KLF11: variants seen among roughly 807,000 people sequenced by gnomAD.
KLF11 encodes Krueppel-like factor 11.
A neutral mutation model predicts 29.9 loss-of-function variants in KLF11; 26 were observed. The ratio of observed to expected loss-of-function variants is 0.87; its 90% CI spans 0.64 to 1.21. The LOEUF is 1.21. Among genes scored for constraint, KLF11 ranks in the 50% most tolerant of loss-of-function variants. The pLI is 0.00. For synonymous variants in KLF11, 318 were observed against 257.4 expected (o/e 1.24, Z -2.25); for missense variants, 778 against 665.7 (o/e 1.17, Z -1.86).
intron 2 of KLF11, 30 bp from the exon 3 acceptor site, chr2:10,047,619 CA>C (rs1325857171): frequency 6.4e-7 from 1 of 1,571,050 alleles, no homozygotes; most frequent in Non-Finnish European, 8.7e-7. Flanking sequence ...AAATTTAAAG[CA>C]ACCTTTTAAC....
chr2:10,043,666 G>A lies in KLF11; in HGVS notation c.-51G>A. The stretch of plus-strand genomic sequence containing the variant: ...GCAGCCCACGTGCGGCCGCTGCTGC[G>A]CCCGAGCTCACGCCCCGCGGCCGCT... On this transcript the variant is annotated 5_prime_UTR_variant, in exon 1 of 4. Transcript: ENST00000305883. 1 of 1,242,346 alleles carries A rather than the reference G, an allele frequency of 8.0e-7. No homozygotes were observed. The highest frequency in any genetic ancestry group is 1.0e-6 in the Non-Finnish European group (1 of 970,676). The allele number at this position is 1,242,346 out of a possible 1,614,324, so 77.0% of individuals were successfully genotyped here.
At chr2:10,044,043 C>A in intron 1 of KLF11, 1 of 699,048 alleles carries the variant, frequency 1.4e-6, no homozygotes, top group Non-Finnish European at 1.8e-6. Context: ...TATTTCCAGC[C>A]ATGACGTCAC....
intron 1 of KLF11, 44 bp downstream of exon 1, chr2:10,043,802 G>A (rs763286223): frequency 2.2e-6 from 3 of 1,338,286 alleles, no homozygotes; most frequent in Non-Finnish European, 9.8e-7. Flanking sequence ...GTCTGAGCGA[G>A]GGGCGAGGCG....
rs757905542 is a variant in KLF11, at chr2:10,046,366, A to G, written c.259A>G (p.Met87Val). ...DSGDVTTTVH[M>V]DAATPELPKD... The stretch of plus-strand genomic sequence containing the variant: ...TGGGGATGTCACCACCACTGTGCAT[A>G]TGGATGCAGCCACACCTGAACTACC... The change falls in exon 2 of 4, where the codon ATG (methionine) becomes GTG (valine). Residue 87 changes from methionine (M) to valine (V), a missense_variant. Coordinates refer to ENST00000305883, the MANE Select transcript of KLF11 (RefSeq NM_003597.5). 38 of 1,614,044 alleles carry G rather than the reference A, an allele frequency of 2.4e-5. No individual in the cohort carries two copies. The highest frequency in any genetic ancestry group is 6.7e-5 in the East Asian group (3 of 44,902).
intron 3 of KLF11, among the ~76,000 whole-genome samples, chr2:10,049,585 C>G (rs1484244372): frequency 1.3e-5 from 2 of 152,236 alleles, no homozygotes; most frequent in African/African-American, 2.4e-5. Context: ...CCCCAACATT[C>G]TATGTCTGGT....
chr2:10,043,558 GGCCGCGCCGGGGCAGA>G lies in KLF11; in HGVS notation c.-151_-136del. ...CGCCCCGCCCCTCCCGCGCCGCGAGGGCCGCGCCGGGGCAGAGCCGCGCGGGCGGGCGAGGCGCGTG... is the reference window on the plus strand; with the variant it reads ...CGCCCCGCCCCTCCCGCGCCGCGAGGGCCGCGCGGGCGGGCGAGGCGCGTG... On this transcript the variant is annotated 5_prime_UTR_variant, in exon 1 of 4. Transcript: ENST00000305883. The G allele has an allele frequency of 3.2e-6, 1 of 315,308 alleles. No individual in the cohort carries two copies. Among genetic ancestry groups the G allele is most frequent in the African/African-American group, 2.3e-5 (1 of 43,850 alleles). 19.5% of individuals were successfully genotyped at this position (315,308 alleles called of 1,614,324 possible).
intron 2 of KLF11, among the ~76,000 whole-genome samples, chr2:10,047,028 G>C (rs923175772): frequency 2.0e-5 from 3 of 152,128 alleles, no homozygotes; most frequent in Non-Finnish European, 4.4e-5. Flanking sequence ...TCGGGGTGGA[G>C]CTTAGGTTCT....
In KLF11 at chr2:10,053,035, A is replaced by T. The variant is rs1194028267; in HGVS notation, c.*528A>T. 2.6e-6 allele frequency: 1 copy of T among 390,006 alleles called. No homozygotes were observed. The highest frequency in any genetic ancestry group is 4.5e-6 in the Non-Finnish European group (1 of 221,544). The allele number at this position is 390,006 out of a possible 1,614,324, so 24.2% of individuals were successfully genotyped here. ...TATTCCACTACAAAAACCACAAGTT[A>T]TCTGGCCTTTTAGATCTTTTTGGAA... On this transcript the variant is annotated 3_prime_UTR_variant, in exon 4 of 4. Coordinates refer to ENST00000305883, the MANE Select transcript of KLF11 (RefSeq NM_003597.5).
chr2:10,046,290 C>A lies in KLF11; in HGVS notation c.183C>A (p.Ser61=), dbSNP rs1339745936. 9.3e-6 allele frequency: 15 copies of A among 1,614,032 alleles called. No individual in the cohort carries two copies. The highest frequency in any genetic ancestry group is 3.3e-5 in the Admixed American group (2 of 59,998). The part of the protein sequence containing the change: ...LVCMSSWGQR[S]QKGDLLRIRP... ...GTATGAGCTCCTGGGGTCAAAGATC[C>A]CAGAAAGGTGACCTGTTGCGGATAA... The change falls in exon 2 of 4, where the codon TCC becomes TCA. Residue 61 remains serine (S), a synonymous_variant. Transcript: ENST00000305883.
intron 1 of KLF11, chr2:10,044,576 G>C (rs1218858945): frequency 3.3e-6 from 1 of 299,966 alleles, no homozygotes; most frequent in Non-Finnish European, 4.9e-6. Flanking sequence ...TCGGCAGACG[G>C]AAAGCTTTGA....
rs532841444 is a variant in KLF11, at chr2:10,046,140, T to C, written c.43-10T>C. On this transcript the variant is annotated splice_polypyrimidine_tract_variant and intron_variant, in intron 1 of 3. Transcript: ENST00000305883. ...TGCACTGAGAAGCCGTTGTGTTGTG[T>C]CGCCTTTAGGTTGACATCATGGACA... The C allele has an allele frequency of 5.0e-6, 8 of 1,613,248 alleles. No individual in the cohort carries two copies. In the South Asian group the frequency reaches 7.7e-5, roughly 16 times the overall value.
chr2:10,044,066 AG>A (rs1661094826), intron 1 of KLF11: 1 of 707,158 alleles, frequency 1.4e-6, no homozygotes, highest in African/African-American at 1.9e-5. Context: ...CGGTCCTGTG[AG>A]CCGGACGGCC....
At position 10,043,736 on chromosome 2, in the gene KLF11, C is replaced by G; in HGVS notation, c.20C>G (p.Ala7Gly). ...TGCACGATGCACACGCCGGACTTCG[C>G]AGGCCCAGACGACGCGCGCGCAGTG... Reference protein sequence around the residue: MHTPDFAGPDDARAVDI... With the variant: MHTPDFGGPDDARAVDI... Residue 7 changes from alanine (A) to glycine (G), a missense_variant, in exon 1 of 4, where the codon GCA becomes GGA. Coordinates refer to ENST00000305883, the MANE Select transcript of KLF11 (RefSeq NM_003597.5). 5.1e-6 allele frequency: 7 copies of G among 1,382,334 alleles called. No individual in the cohort carries two copies. Among genetic ancestry groups the G allele is most frequent in the Non-Finnish European group, 6.6e-6 (7 of 1,052,908 alleles). The allele number at this position is 1,382,334 out of a possible 1,614,324, so 85.6% of individuals were successfully genotyped here. A position where few individuals can be genotyped will look rare whatever the true frequency, so the allele number is the denominator to read the frequency against.
intron 2 of KLF11, 37 bp downstream of exon 2, chr2:10,046,456 A>G (rs1228521083): frequency 6.2e-7 from 1 of 1,606,630 alleles, no homozygotes; most frequent in African/African-American, 1.3e-5. Flanking sequence ...TTTTTGTGAA[A>G]TGACTAGAGT....
Position 10,053,012 on chromosome 2 carries a change from T to C in KLF11, c.*505T>C. 5.2e-6 allele frequency: 2 copies of C among 383,042 alleles called. No individual in the cohort carries two copies. Among genetic ancestry groups the C allele is most frequent in the African/African-American group, 4.1e-5 (2 of 48,446 alleles). 23.7% of individuals were successfully genotyped at this position (383,042 alleles called of 1,614,324 possible). On this transcript the variant is annotated 3_prime_UTR_variant, in exon 4 of 4. Coordinates refer to ENST00000305883, the MANE Select transcript of KLF11 (RefSeq NM_003597.5). ...TTCTTTTAGTAAACTGGACATGTTATTCCACTACAAAAACCACAAGTTATC... is the reference window on the plus strand; with the variant it reads ...TTCTTTTAGTAAACTGGACATGTTACTCCACTACAAAAACCACAAGTTATC...
chr2:10,050,936 C>A (rs1190539955), intron 3 of KLF11, among the ~76,000 whole-genome samples: 4 of 85,534 alleles, frequency 4.7e-5, no homozygotes, highest in Admixed American at 2.0e-4. Flanking sequence ...GAATCTTGCT[C>A]TGTCGCCCAG....
At chr2:10,051,005 CA>C (rs1661387838) in intron 3 of KLF11, among the ~76,000 whole-genome samples, 1 of 136,586 alleles carries the variant, frequency 7.3e-6, no homozygotes, top group Non-Finnish European at 1.6e-5. Flanking sequence ...GGGTTCACGC[CA>C]TTCTCCTCTC....
chr2:10,049,406 C>G (rs1321445358), intron 3 of KLF11, among the ~76,000 whole-genome samples: 1 of 152,246 alleles, frequency 6.6e-6, no homozygotes, highest in Non-Finnish European at 1.5e-5. Context: ...AGTTTGTGTT[C>G]TGTTGCTCTG....
In KLF11 at chr2:10,044,442, C is replaced by G. The variant is rs568985917; in HGVS notation, c.42+684C>G. 8.9e-5 allele frequency: 88 copies of G among 985,480 alleles called. No individual in the cohort carries two copies. In the South Asian group the frequency reaches 3.7e-3, roughly 41 times the overall value. The allele number at this position is 985,480 out of a possible 1,614,324, so 61.0% of individuals were successfully genotyped here. Reference sequence around the variant, plus strand: ...ACTGTGGGCCGGGCGAGCCCCTTCCCGCCCGTGTGGTGAGTCGGCCTCGGC... The same window carrying G: ...ACTGTGGGCCGGGCGAGCCCCTTCCGGCCCGTGTGGTGAGTCGGCCTCGGC... On this transcript the variant is annotated intron_variant, in intron 1 of 3. Transcript: ENST00000305883.
Sources: gnomAD v4.1 joint callset for allele counts (sites outside exome capture counted in the v4.1 genomes callset) on GRCh38, gnomAD v4.1.1 for gene constraint, MANE v1.5 for transcripts, NCBI Gene and HGNC (gene_info 2026-07-23, HGNC 2026-07-21) for gene names.